The following MCU variants were observed in gnomAD, a reference collection of about 807,000 sequenced individuals.
MCU encodes the protein calcium uniporter protein, mitochondrial.
MCU carries 12 observed loss-of-function variants against 45.2 expected under a neutral mutation model. The observed-to-expected ratio is 0.27, with a 90% CI of 0.17 to 0.43. The LOEUF (loss-of-function observed/expected upper bound fraction) is 0.43, where lower values mean the gene tolerates loss of function less well. Ranked by LOEUF, MCU falls within the 20% of genes least tolerant of loss-of-function variation. MCU has a pLI of 1.00. For synonymous variants in MCU, 160 were observed against 165.1 expected, an observed-to-expected ratio of 0.97 and a Z score of 0.24; for missense variants, 324 against 436.7, an observed-to-expected ratio of 0.74 and a Z score of 2.30.
intron 1 of MCU, among the ~76,000 whole-genome samples, chr10:72,742,022 CAAAAAAAAAAAAAA>C (rs59028044): frequency 1.4e-5 from 1 of 72,866 alleles, no homozygotes; most frequent in South Asian, 6.4e-4. Flanking sequence ...GACTCCGTCT[CAAAAAAAAAAAAAA>C]AAAAAAAAAC....
intron 1 of MCU, among the ~76,000 whole-genome samples, chr10:72,833,740 A>C (rs780647869): frequency 2.0e-5 from 3 of 152,228 alleles, no homozygotes; most frequent in Non-Finnish European, 2.9e-5. Context: ...TCCCAGATCC[A>C]CATCCACAGT....
chr10:72,877,035 C>T (rs1845629014), intron 6 of MCU, among the ~76,000 whole-genome samples: 1 of 151,976 alleles, frequency 6.6e-6, no homozygotes, highest in South Asian at 2.1e-4. Context: ...AATTCTCCCA[C>T]CTCAGCCTCA....
intron 1 of MCU, among the ~76,000 whole-genome samples, chr10:72,772,587 C>G (rs1246529759): frequency 2.6e-5 from 4 of 152,170 alleles, no homozygotes; most frequent in Admixed American, 2.0e-4. Flanking sequence ...ATCCCAGCTA[C>G]TCAGGAGCCT....
chr10:72,782,342 C>T (rs1334986415), intron 1 of MCU, among the ~76,000 whole-genome samples: 2 of 152,112 alleles, frequency 1.3e-5, no homozygotes, highest in African/African-American at 2.4e-5. Flanking sequence ...TTTTCTAACT[C>T]GTACATAATC....
At chr10:72,864,820 T>C (rs1366888773) in intron 4 of MCU, among the ~76,000 whole-genome samples, 7 of 152,222 alleles carry the variant, frequency 4.6e-5, no homozygotes, top group African/African-American at 1.7e-4. Flanking sequence ...TCAGCTATGC[T>C]AATGTGTTTT....
chr10:72,805,166 T>C (rs1844424279), intron 1 of MCU, among the ~76,000 whole-genome samples: 1 of 141,956 alleles, frequency 7.0e-6, no homozygotes, highest in East Asian at 1.9e-4. Context: ...TTTCTGTCTC[T>C]CTCTCTCTCT....
At position 72,706,522 on chromosome 10, in the gene MCU, G is replaced by C. The variant is rs563122463; in HGVS notation, c.150+14221G>C. ...TCTTTGGTAACTATGAAATTTTTTA[G>C]AGACATTACAGTATCTTCTCTTTTT... On this transcript the variant is annotated intron_variant, in intron 1 of 7. Transcript: ENST00000373053. Among the ~76,000 whole-genome samples the C allele has an allele frequency of 2.0e-5, 3 of 151,646 alleles. No homozygotes were observed. The East Asian group carries it at 5.8e-4, about 29-fold the overall frequency.
intron 3 of MCU, 99 bp from the exon 4 acceptor site, chr10:72,860,320 AAAGG>A (rs1435436694): frequency 1.1e-6 from 1 of 945,942 alleles, no homozygotes; most frequent in Admixed American, 2.3e-5. Flanking sequence ...TGAAATTTTA[AAAGG>A]AAGAGGTAAT....
At chr10:72,812,982 C>CT (rs1370232112) in intron 1 of MCU, among the ~76,000 whole-genome samples, 1 of 152,170 alleles carries the variant, frequency 6.6e-6, no homozygotes, top group Non-Finnish European at 1.5e-5. Flanking sequence ...ACTGTCTTTT[C>CT]TAAGCTGTAC....
chr10:72,882,370 A>G (rs1393604589), intron 6 of MCU, among the ~76,000 whole-genome samples: 2 of 152,252 alleles, frequency 1.3e-5, no homozygotes, highest in South Asian at 2.1e-4. Flanking sequence ...CCAGTGAGCC[A>G]GGTGGAACAG....
chr10:72,785,100 T>C (rs940362329), intron 1 of MCU, among the ~76,000 whole-genome samples: 1 of 152,180 alleles, frequency 6.6e-6, no homozygotes, highest in Non-Finnish European at 1.5e-5. Context: ...ACAGATGCAG[T>C]TTCATGATGT....
At chr10:72,705,537 A>G (rs754006945) in intron 1 of MCU, among the ~76,000 whole-genome samples, 1 of 149,846 alleles carries the variant, frequency 6.7e-6, no homozygotes, top group Admixed American at 6.7e-5. Flanking sequence ...CAAAAAAAAG[A>G]CTGGGCTCAG....
At chr10:72,780,546 GTGTGTT>G (rs1222162751) in intron 1 of MCU, among the ~76,000 whole-genome samples, 1 of 151,124 alleles carries the variant, frequency 6.6e-6, no homozygotes, top group Non-Finnish European at 1.5e-5. Flanking sequence ...GTGTGTGTGT[GTGTGTT>G]GGGTGAATTT....
chr10:72,704,276 T>C (rs905379659), intron 1 of MCU, among the ~76,000 whole-genome samples: 4 of 152,256 alleles, frequency 2.6e-5, no homozygotes, highest in South Asian at 2.1e-4. Context: ...ATTTAAGAAG[T>C]AGAACTGATA....
intron 1 of MCU, among the ~76,000 whole-genome samples, chr10:72,707,289 C>A (rs1440867121): frequency 6.7e-6 from 1 of 149,898 alleles, no homozygotes. Flanking sequence ...ACCTCTGCCT[C>A]CTGATTTCTA....
rs1845695353 is a variant in MCU at position 72,881,164 on chromosome 10, A to G, written c.862-3102A>G. ...AAAAAGATGGCCCTACAAAGAAAGG[A>G]GAGTCTTTTTCAATAAATGGTGCTA... On this transcript the variant is annotated intron_variant, in intron 6 of 7. Transcript: ENST00000373053. 2.0e-5 allele frequency among the ~76,000 whole-genome samples: 3 copies of G among 152,288 alleles called. 1 individual carries two copies. In the South Asian group the frequency reaches 6.2e-4, roughly 32 times the overall value.
At chr10:72,785,190 C>T (rs1844054698) in intron 1 of MCU, among the ~76,000 whole-genome samples, 1 of 152,206 alleles carries the variant, frequency 6.6e-6, no homozygotes, top group Non-Finnish European at 1.5e-5. Context: ...CCAGCCAAAC[C>T]TGGCAGTGCT....
At chr10:72,786,031 T>G (rs1476812912) in intron 1 of MCU, among the ~76,000 whole-genome samples, 1 of 152,170 alleles carries the variant, frequency 6.6e-6, no homozygotes, top group Non-Finnish European at 1.5e-5. Context: ...ACAAGCACTG[T>G]GTGAAAAAAC....
intron 2 of MCU, among the ~76,000 whole-genome samples, chr10:72,852,913 G>A (rs1426269403): frequency 6.6e-6 from 1 of 152,172 alleles, no homozygotes; most frequent in Non-Finnish European, 1.5e-5. Context: ...TAGAGAGATA[G>A]CCTTGGACAC....
Sources: allele counts gnomAD v4.1 joint callset (sites outside exome capture counted in the v4.1 genomes callset), GRCh38; gene constraint gnomAD v4.1.1; transcripts MANE v1.5; gene names NCBI Gene and HGNC (gene_info 2026-07-23, HGNC 2026-07-21).